Variants in PLCB1 observed in about 807,000 individuals in gnomAD.
The protein encoded by PLCB1 is 1-phosphatidylinositol 4,5-bisphosphate phosphodiesterase beta-1.
A neutral mutation model predicts 161.8 loss-of-function variants in PLCB1; 46 were observed. The observed-to-expected ratio is 0.28, with a 90% CI of 0.22 to 0.36. The LOEUF (loss-of-function observed/expected upper bound fraction) is 0.36. Ranked by LOEUF, PLCB1 falls within the 10% of genes least tolerant of loss-of-function variation. The pLI, the probability that PLCB1 is intolerant of heterozygous loss-of-function variation, is 1.00. For missense variants in PLCB1, 1,016 were observed against 1,472.5 expected (o/e 0.69, Z 5.07); for synonymous variants, 517 against 503.7 (o/e 1.03, Z -0.35).
At chr20:8,491,091 A>T (rs182392067) in intron 3 of PLCB1, among the ~76,000 whole-genome samples, 3 of 151,834 alleles carry the variant, frequency 2.0e-5, no homozygotes, top group Admixed American at 2.0e-4. Flanking sequence ...TTGTTCTTTT[A>T]TGGATTTTGG....
At chr20:8,801,350 C>A (rs1227976722) in intron 31 of PLCB1, among the ~76,000 whole-genome samples, 1 of 152,190 alleles carries the variant, frequency 6.6e-6, no homozygotes, top group African/African-American at 2.4e-5. Flanking sequence ...TCCCTGCCAT[C>A]CTCTCTCCTG....
chr20:8,262,376 C>T (rs1981744315), intron 2 of PLCB1, among the ~76,000 whole-genome samples: 1 of 152,054 alleles, frequency 6.6e-6, no homozygotes, highest in South Asian at 2.1e-4. Context: ...CAGGTGTAAG[C>T]CATTGCACCC....
chr20:8,855,967 C>G (rs555678760), intron 31 of PLCB1, among the ~76,000 whole-genome samples: 8 of 152,078 alleles, frequency 5.3e-5, no homozygotes, highest in Non-Finnish European at 1.2e-4. Context: ...TGAACAACCT[C>G]CTTCTCATTG....
intron 31 of PLCB1, among the ~76,000 whole-genome samples, chr20:8,805,803 G>A (rs1420200287): frequency 1.3e-5 from 2 of 152,190 alleles, no homozygotes; most frequent in East Asian, 3.9e-4. Context: ...AGATGTCAAA[G>A]TAGGTGACTT....
At chr20:8,545,435 T>G (rs550103664) in intron 3 of PLCB1, among the ~76,000 whole-genome samples, 5 of 152,100 alleles carry the variant, frequency 3.3e-5, no homozygotes, top group African/African-American at 1.2e-4. Flanking sequence ...TGACTCAAAG[T>G]GTGTCAGCGG....
At chr20:8,716,068 G>A (rs2123465152) in intron 12 of PLCB1, 196 bp from the exon 13 acceptor site, 1 of 576,908 alleles carries the variant, frequency 1.7e-6, no homozygotes, top group Non-Finnish European at 3.1e-6. Context: ...TCACACATCA[G>A]TGCCTTCGCT....
chr20:8,596,902 T>C (rs1159925667), intron 3 of PLCB1, among the ~76,000 whole-genome samples: 1 of 152,298 alleles, frequency 6.6e-6, no homozygotes, highest in Non-Finnish European at 1.5e-5. Context: ...GGCTCTCTGT[T>C]TGTCTGTTGT....
intron 3 of PLCB1, among the ~76,000 whole-genome samples, chr20:8,496,174 T>C (rs1160372428): frequency 6.6e-6 from 1 of 152,148 alleles, no homozygotes; most frequent in Non-Finnish European, 1.5e-5. Context: ...CCCAGACTTA[T>C]AATTTAAGGA....
At chr20:8,139,800 G>A (rs1249312333) in intron 1 of PLCB1, among the ~76,000 whole-genome samples, 2 of 152,144 alleles carry the variant, frequency 1.3e-5, no homozygotes, top group African/African-American at 2.4e-5. Context: ...ACATAGCATC[G>A]ATTCCTACAT....
intron 3 of PLCB1, among the ~76,000 whole-genome samples, chr20:8,459,778 A>C (rs1197873631): frequency 2.0e-5 from 3 of 152,202 alleles, no homozygotes; most frequent in African/African-American, 7.2e-5. Flanking sequence ...TTATTTTGCA[A>C]ATCACCGCTT....
chr20:8,875,461 AATTT>A (rs1310741164), intron 31 of PLCB1, among the ~76,000 whole-genome samples: 9 of 144,106 alleles, frequency 6.2e-5, no homozygotes, highest in African/African-American at 2.1e-4. Flanking sequence ...ACATTATATT[AATTT>A]ATTATGTTTA....
At chr20:8,367,903 A>G (rs1282180957) in intron 2 of PLCB1, among the ~76,000 whole-genome samples, 1 of 152,060 alleles carries the variant, frequency 6.6e-6, no homozygotes. Context: ...TGTTAATAGA[A>G]GTGGGAGACA....
At chr20:8,392,686 T>C (rs1368868624) in intron 3 of PLCB1, among the ~76,000 whole-genome samples, 1 of 152,170 alleles carries the variant, frequency 6.6e-6, no homozygotes, top group Non-Finnish European at 1.5e-5. Context: ...TATCAATTTG[T>C]GAGTAAGTTG....
At chr20:8,220,381 C>G in intron 2 of PLCB1, among the ~76,000 whole-genome samples, 1 of 152,018 alleles carries the variant, frequency 6.6e-6, no homozygotes. Flanking sequence ...AATAGTGTTC[C>G]CTGCAAATTC....
intron 3 of PLCB1, among the ~76,000 whole-genome samples, chr20:8,584,767 T>C (rs1236707647): frequency 6.6e-6 from 1 of 152,188 alleles, no homozygotes; most frequent in East Asian, 1.9e-4. Flanking sequence ...CTCGGCTCAC[T>C]GCAATCTCTG....
At chr20:8,187,711 T>C (rs2051920482) in intron 2 of PLCB1, among the ~76,000 whole-genome samples, 1 of 152,058 alleles carries the variant, frequency 6.6e-6, no homozygotes, top group African/African-American at 2.4e-5. Flanking sequence ...ACACGGATAT[T>C]ATGAATGATA....
At chr20:8,596,995 A>C (rs1454965811) in intron 3 of PLCB1, among the ~76,000 whole-genome samples, 1 of 150,050 alleles carries the variant, frequency 6.7e-6, no homozygotes. Context: ...GCTTAAGGAG[A>C]TTTTGGGCTG....
At chr20:8,136,607 C>A (rs1387266384) in intron 1 of PLCB1, among the ~76,000 whole-genome samples, 4 of 142,082 alleles carry the variant, frequency 2.8e-5, no homozygotes, top group Admixed American at 1.5e-4. Context: ...GCCTGGGCGA[C>A]AGAGCAAGAC....
intron 3 of PLCB1, among the ~76,000 whole-genome samples, chr20:8,462,786 G>A (rs1177814911): frequency 6.6e-6 from 1 of 151,998 alleles, no homozygotes; most frequent in Non-Finnish European, 1.5e-5. Flanking sequence ...TCCATGCCTT[G>A]CCCCTTGCTT....
Sources: gnomAD v4.1 joint callset for allele counts (sites outside exome capture counted in the v4.1 genomes callset) on GRCh38, gnomAD v4.1.1 for gene constraint, MANE v1.5 for transcripts, NCBI Gene and HGNC (gene_info 2026-07-23, HGNC 2026-07-21) for gene names.